NEDD4L: variants seen among roughly 807,000 people sequenced by gnomAD.
The protein encoded by NEDD4L is NEDD4 like E3 ubiquitin protein ligase.
NEDD4L carries 54 observed loss-of-function variants against 148.9 expected under a neutral mutation model. The observed-to-expected ratio is 0.36, with a 90% CI of 0.29 to 0.45. The LOEUF is 0.45. Among genes scored for constraint, NEDD4L ranks in the 20% least tolerant of loss-of-function variants. NEDD4L has a pLI of 1.00. For missense variants in NEDD4L, 856 were observed against 1,233.8 expected, an observed-to-expected ratio of 0.69 and a Z score of 4.59; for synonymous variants, 433 against 440.7, an observed-to-expected ratio of 0.98 and a Z score of 0.22.
At position 58,256,534 on chromosome 18, in the gene NEDD4L, G is replaced by T; in HGVS notation, c.297+4480G>T. 1 of 1,232,306 alleles carries T rather than the reference G, an allele frequency of 8.1e-7. No homozygotes were observed. The allele number at this position is 1,232,306 out of a possible 1,614,324, so 76.3% of individuals were successfully genotyped here. On this transcript the variant is annotated intron_variant, in intron 5 of 30. Transcript: ENST00000400345. The surrounding 1 kb of genome is among the most constrained non-coding windows in gnomAD (Gnocchi z 5.2). ...CCCGAAGCGAGCGAGGGAGCCCCAC[G>T]GAAGATCGGGGAGCCCTGGAGGCAT...
At chr18:58,143,947 A>G (rs1212978525) in intron 1 of NEDD4L, among the ~76,000 whole-genome samples, 1 of 152,174 alleles carries the variant, frequency 6.6e-6, no homozygotes, top group Admixed American at 6.5e-5. Context: ...TTTAGGTATT[A>G]TTAAGTCATA....
chr18:58,271,900 G>T (rs920424577), intron 5 of NEDD4L, among the ~76,000 whole-genome samples: 4 of 152,106 alleles, frequency 2.6e-5, no homozygotes, highest in African/African-American at 9.7e-5. Flanking sequence ...TGAATTTCAG[G>T]AGTCTATTAA....
At chr18:58,231,852 C>T (rs2045281461) in intron 2 of NEDD4L, among the ~76,000 whole-genome samples, 1 of 152,236 alleles carries the variant, frequency 6.6e-6, no homozygotes, top group South Asian at 2.1e-4. Flanking sequence ...GCATGAGCCA[C>T]TGTGCCTGGC....
At chr18:58,167,715 G>GA (rs143981757) in intron 2 of NEDD4L, among the ~76,000 whole-genome samples, 4,453 of 147,974 alleles carry the variant, frequency 0.03, 217 homozygotes, top group African/African-American at 0.1. Flanking sequence ...AGCATCAAGG[G>GA]AAAAAAAAAC....
chr18:58,384,255 G>A (rs754214470), intron 25 of NEDD4L, among the ~76,000 whole-genome samples: 5 of 152,204 alleles, frequency 3.3e-5, no homozygotes, highest in South Asian at 2.1e-4. Context: ...GAAACGGAGC[G>A]TGTTAGAGTC....
intron 2 of NEDD4L, among the ~76,000 whole-genome samples, chr18:58,243,310 A>T (rs1186187297): frequency 6.6e-6 from 1 of 152,224 alleles, no homozygotes; most frequent in Non-Finnish European, 1.5e-5. Context: ...ATCTGGAGGT[A>T]ACATGATCAT....
Position 58,325,344 on chromosome 18 carries a change from T to G in NEDD4L, c.680+182T>G, listed in dbSNP as rs1024581201. The stretch of plus-strand genomic sequence containing the variant: ...GCAAGAGCAGTCAGAACTTGTATAT[T>G]GTAAGCGATTGCCTTTGAGTCACAT... On this transcript the variant is annotated intron_variant, in intron 9 of 30. Coordinates refer to ENST00000400345, the MANE Select transcript of NEDD4L (RefSeq NM_001144967.3). 8.5e-5 allele frequency among the ~76,000 whole-genome samples: 13 copies of G among 152,386 alleles called. No homozygotes were observed. In the East Asian group the frequency reaches 2.5e-3, roughly 29 times the overall value.
At chr18:58,363,799 GTTCAC>G (rs1238535345) in intron 19 of NEDD4L, among the ~76,000 whole-genome samples, 11 of 152,180 alleles carry the variant, frequency 7.2e-5, no homozygotes, top group Non-Finnish European at 1.2e-4. Flanking sequence ...AGGAGTGTCA[GTTCAC>G]TTCCCTTTCT....
chr18:58,297,895 T>C (rs2055886416), intron 5 of NEDD4L, among the ~76,000 whole-genome samples: 1 of 152,208 alleles, frequency 6.6e-6, no homozygotes, highest in Non-Finnish European at 1.5e-5. Context: ...CTCCGAGTCT[T>C]TTCCCGGGAG....
At chr18:58,224,716 C>A (rs1283509939) in intron 2 of NEDD4L, among the ~76,000 whole-genome samples, 1 of 152,184 alleles carries the variant, frequency 6.6e-6, no homozygotes, top group Non-Finnish European at 1.5e-5. Context: ...TCTCTTTATT[C>A]TTTTAGTCAG....
At chr18:58,046,838 C>G (rs778787245) in intron 1 of NEDD4L, 2 of 152,168 alleles carry the variant, frequency 1.3e-5, no homozygotes, top group Non-Finnish European at 2.9e-5. Context: ...GTATTTAGTT[C>G]CACACACATT....
chr18:58,299,083 C>T (rs1376183293), intron 5 of NEDD4L, among the ~76,000 whole-genome samples: 2 of 152,320 alleles, frequency 1.3e-5, no homozygotes, highest in East Asian at 3.9e-4. Flanking sequence ...TGTGGCTCAG[C>T]ACAATTTGGT....
At position 58,366,959 on chromosome 18, in the gene NEDD4L, T is replaced by G. The variant is rs2046189999; in HGVS notation, c.2063+731T>G. On this transcript the variant is annotated intron_variant, in intron 21 of 30. Transcript: ENST00000400345. The surrounding 1 kb of genome is among the most constrained non-coding windows in gnomAD (Gnocchi z 4.2). ...CTGGGGGCTCATTTGGAAGGCCGCC[T>G]CAGTACATTCTTCCTGGTTGCTCTA... Among the ~76,000 whole-genome samples, 1 of 152,232 alleles carries G rather than the reference T, an allele frequency of 6.6e-6. No homozygotes were observed. The highest frequency in any genetic ancestry group is 1.5e-5 in the Non-Finnish European group (1 of 68,042).
At chr18:58,347,336 C>G (rs1018911436) in intron 16 of NEDD4L, among the ~76,000 whole-genome samples, 1 of 151,674 alleles carries the variant, frequency 6.6e-6, no homozygotes, top group African/African-American at 2.4e-5. Context: ...GCCCTGCCCT[C>G]TTTCATGTAA....
At chr18:58,347,207 C>CCCCA in intron 16 of NEDD4L, among the ~76,000 whole-genome samples, 1 of 70,470 alleles carries the variant, frequency 1.4e-5, no homozygotes, top group Non-Finnish European at 3.0e-5. Flanking sequence ...ACGCTACGGC[C>CCCCA]CCCCCCGCCC....
chr18:58,384,461 T>TC (rs1447136226), intron 25 of NEDD4L, among the ~76,000 whole-genome samples: 1 of 152,232 alleles, frequency 6.6e-6, no homozygotes, highest in African/African-American at 2.4e-5. Context: ...ACCATTGTCT[T>TC]CCTTCAGAAA....
At chr18:58,248,984 T>A in intron 4 of NEDD4L, 47 bp downstream of exon 4, 1 of 910,092 alleles carries the variant, frequency 1.1e-6, no homozygotes, top group Non-Finnish European at 1.7e-6. Flanking sequence ...TACGTCTAGG[T>A]CGATTATCAC....
chr18:58,141,598 TACAA>T lies in NEDD4L; in HGVS notation c.49-24185_49-24182del, dbSNP rs1195675305. On this transcript the variant is annotated intron_variant, in intron 1 of 30. Coordinates refer to ENST00000400345, the MANE Select transcript of NEDD4L (RefSeq NM_001144967.3). ...ATTCCTGATTGTGTACAGGATTGTG[TACAA>T]ACAATCAGGAATTCATCATTCATAT... Among the ~76,000 whole-genome samples, 10 of 152,336 alleles carry T rather than the reference TACAA, an allele frequency of 6.6e-5. No individual in the cohort carries two copies. The East Asian group carries it at 1.7e-3, about 26-fold the overall frequency.
At chr18:58,290,892 A>G (rs1414029116) in intron 5 of NEDD4L, among the ~76,000 whole-genome samples, 1 of 152,220 alleles carries the variant, frequency 6.6e-6, no homozygotes, top group Non-Finnish European at 1.5e-5. Flanking sequence ...TTGTGTCAGA[A>G]TGCCCTAAAA....
Sources: allele counts gnomAD v4.1 joint callset (sites outside exome capture counted in the v4.1 genomes callset), GRCh38; gene constraint gnomAD v4.1.1; non-coding constraint Gnocchi (gnomAD v3.1); transcripts MANE v1.5; gene names NCBI Gene and HGNC (gene_info 2026-07-23, HGNC 2026-07-21).